The following TTLL5 variants were observed in gnomAD, a reference collection of about 807,000 sequenced individuals.
TTLL5 encodes the protein tubulin polyglutamylase TTLL5.
In TTLL5, 132 loss-of-function variants were observed where a neutral mutation model predicts 168.4. The ratio of observed to expected loss-of-function variants is 0.78; its 90% CI spans 0.68 to 0.91. The LOEUF is 0.91. TTLL5 is among the 40% of genes least tolerant of loss of function. TTLL5 has a pLI of 0.00. For synonymous variants in TTLL5, 546 were observed against 558.6 expected (o/e 0.98, Z 0.32); for missense variants, 1,545 against 1,581.5 (o/e 0.98, Z 0.39).
intron 15 of TTLL5, among the ~76,000 whole-genome samples, chr14:75,741,855 A>G (rs1455596144): frequency 6.6e-6 from 1 of 152,170 alleles, no homozygotes; most frequent in Non-Finnish European, 1.5e-5. Flanking sequence ...TATGGGAGAC[A>G]AGTCTTTGAA....
At chr14:75,868,929 T>C (rs1457663958) in intron 29 of TTLL5, among the ~76,000 whole-genome samples, 2 of 151,804 alleles carry the variant, frequency 1.3e-5, no homozygotes, top group Non-Finnish European at 2.9e-5. Context: ...AGGCAAACAG[T>C]CTAGCCATGC....
At chr14:75,887,251 G>A in intron 30 of TTLL5, 2 of 986,562 alleles carry the variant, frequency 2.0e-6, no homozygotes, top group Non-Finnish European at 2.4e-6. Flanking sequence ...GATGAAAGAT[G>A]TTTAAGAGAT....
intron 26 of TTLL5, among the ~76,000 whole-genome samples, chr14:75,792,676 C>G (rs2140351356): frequency 6.6e-6 from 1 of 152,226 alleles, no homozygotes; most frequent in South Asian, 2.1e-4. Context: ...GTGAAGCTTT[C>G]ATTATAAGCA....
At chr14:75,697,813 A>G (rs537997083) in intron 6 of TTLL5, among the ~76,000 whole-genome samples, 3 of 152,308 alleles carry the variant, frequency 2.0e-5, no homozygotes, top group South Asian at 2.1e-4. Context: ...AACAGAAACT[A>G]TAGGGAACTT....
intron 31 of TTLL5, among the ~76,000 whole-genome samples, chr14:75,936,280 C>T (rs752060833): frequency 6.6e-6 from 1 of 152,138 alleles, no homozygotes; most frequent in Non-Finnish European, 1.5e-5. Context: ...TAATTTTCTA[C>T]GAAATGTCTG....
At chr14:75,727,889 G>A (rs974256367) in intron 12 of TTLL5, 36 of 483,522 alleles carry the variant, frequency 7.4e-5, no homozygotes, top group African/African-American at 3.5e-4. Context: ...CTAGGAAGCA[G>A]CACAAGGAGT....
At chr14:75,684,589 T>C (rs1016791149) in intron 5 of TTLL5, 25 of 152,274 alleles carry the variant, frequency 1.6e-4, no homozygotes, top group Admixed American at 1.3e-3. Context: ...GCGTCATTGG[T>C]GTTTGGATGA....
chr14:75,928,159 A>G (rs888703449), intron 31 of TTLL5, among the ~76,000 whole-genome samples: 74 of 151,936 alleles, frequency 4.9e-4, no homozygotes, highest in Admixed American at 3.9e-3. Flanking sequence ...GGTAACTGCC[A>G]CTGACCTCCT....
chr14:75,778,020 A>G (rs890083600), intron 23 of TTLL5, among the ~76,000 whole-genome samples: 2 of 151,986 alleles, frequency 1.3e-5, no homozygotes, highest in Non-Finnish European at 2.9e-5. Context: ...AAATAGCTCT[A>G]CTTTTTAAAG....
At chr14:75,834,240 G>T (rs553047222) in intron 28 of TTLL5, among the ~76,000 whole-genome samples, 37 of 152,176 alleles carry the variant, frequency 2.4e-4, no homozygotes, top group Non-Finnish European at 4.9e-4. Flanking sequence ...TTGTGCAAAG[G>T]CAGGGAGGTA....
At chr14:75,733,940 G>A (rs767419572) in intron 13 of TTLL5, 49 bp from the exon 14 acceptor site, 2 of 1,588,658 alleles carry the variant, frequency 1.3e-6, no homozygotes, top group Non-Finnish European at 1.7e-6. Context: ...CGGCTATTCT[G>A]TTAACCTACA....
At position 75,764,377 on chromosome 14, in the gene TTLL5, A is replaced by G. The variant is rs114380164; in HGVS notation, c.1551-238A>G. Among the ~76,000 whole-genome samples, 465 of 152,284 alleles carry G rather than the reference A, an allele frequency of 3.1e-3. 3 individuals carry two copies. The highest frequency in any genetic ancestry group is 0.01 in the African/African-American group (434 of 41,568). ...AATAATCAGTATCACTGAACACTTA[A>G]AGGTCTTAAACATTGTCTTTAGCTG... On this transcript the variant is annotated intron_variant, in intron 18 of 31. Coordinates refer to ENST00000298832, the MANE Select transcript of TTLL5 (RefSeq NM_015072.5).
chr14:75,708,441 T>C (rs1175120354), intron 9 of TTLL5, among the ~76,000 whole-genome samples: 1 of 152,148 alleles, frequency 6.6e-6, no homozygotes, highest in Non-Finnish European at 1.5e-5. Context: ...TTCTCCTGCC[T>C]CAGCCTCCTG....
chr14:75,914,033 A>AAAAAAAAAT, intron 31 of TTLL5, among the ~76,000 whole-genome samples: 106 of 71,068 alleles, frequency 1.5e-3, no homozygotes, highest in Non-Finnish European at 1.9e-3. Context: ...AAAAAAAAAA[A>AAAAAAAAAT]ATATATATAT....
chr14:75,703,260 C>T (rs1886412105), intron 7 of TTLL5, among the ~76,000 whole-genome samples: 1 of 152,186 alleles, frequency 6.6e-6, no homozygotes, highest in Admixed American at 6.5e-5. Context: ...CCCTCTCTTC[C>T]CACTGGAGTG....
intron 31 of TTLL5, among the ~76,000 whole-genome samples, chr14:75,924,302 T>A (rs1437305465): frequency 6.6e-6 from 1 of 151,736 alleles, no homozygotes; most frequent in Non-Finnish European, 1.5e-5. Flanking sequence ...TTTTTTTTTT[T>A]ATTGATCATT....
chr14:75,868,739 G>A (rs970524178), intron 29 of TTLL5, among the ~76,000 whole-genome samples: 4 of 152,116 alleles, frequency 2.6e-5, no homozygotes, highest in Non-Finnish European at 5.9e-5. Flanking sequence ...TTCATTGCAC[G>A]TGTCTAAAAA....
intron 9 of TTLL5, among the ~76,000 whole-genome samples, chr14:75,713,641 A>G (rs973093522): frequency 6.6e-6 from 1 of 152,230 alleles, no homozygotes; most frequent in Non-Finnish European, 1.5e-5. Context: ...GTCTAAATCA[A>G]AGGTCACTAA....
intron 24 of TTLL5, among the ~76,000 whole-genome samples, chr14:75,782,164 T>G (rs1892097631): frequency 2.6e-5 from 4 of 151,874 alleles, no homozygotes; most frequent in Admixed American, 6.6e-5. Flanking sequence ...CTGGCATAAA[T>G]CTGACTGCCC....
Sources: gnomAD v4.1 joint callset for allele counts (sites outside exome capture counted in the v4.1 genomes callset) on GRCh38, gnomAD v4.1.1 for gene constraint, MANE v1.5 for transcripts, NCBI Gene and HGNC (gene_info 2026-07-23, HGNC 2026-07-21) for gene names.